PCCA: variants seen among roughly 807,000 people sequenced by gnomAD.
PCCA encodes the protein propionyl-CoA carboxylase alpha chain, mitochondrial.
In PCCA, 74 loss-of-function variants were observed where a neutral mutation model predicts 101.3. The observed-to-expected ratio is 0.73, with a 90% CI of 0.61 to 0.89. The LOEUF (loss-of-function observed/expected upper bound fraction) is 0.89, where lower values mean the gene tolerates loss of function less well. Ranked by LOEUF, PCCA falls within the 40% of genes least tolerant of loss-of-function variation. The pLI is 0.00. For synonymous variants in PCCA, 294 were observed against 313.6 expected (o/e 0.94, Z 0.66); for missense variants, 891 against 907.0 (o/e 0.98, Z 0.23).
At chr13:100,452,615 T>G (rs1320989611) in intron 21 of PCCA, among the ~76,000 whole-genome samples, 2 of 151,868 alleles carry the variant, frequency 1.3e-5, no homozygotes, top group Admixed American at 6.5e-5. Flanking sequence ...GGTCACTCTT[T>G]CCAACATCTT....
At chr13:100,321,816 A>G (rs2068079603) in intron 16 of PCCA, among the ~76,000 whole-genome samples, 1 of 152,084 alleles carries the variant, frequency 6.6e-6, no homozygotes, top group Non-Finnish European at 1.5e-5. Flanking sequence ...GCCTTTATAA[A>G]ATTTAGATAC....
intron 20 of PCCA, 84 bp from the exon 21 acceptor site, chr13:100,449,168 C>A: frequency 1.3e-6 from 1 of 747,344 alleles, no homozygotes; most frequent in South Asian, 1.7e-5. Flanking sequence ...AGTTGATGGA[C>A]ATTTGGGTTT....
At chr13:100,241,210 C>T (rs1490185870) in intron 8 of PCCA, among the ~76,000 whole-genome samples, 1 of 152,116 alleles carries the variant, frequency 6.6e-6, no homozygotes, top group Non-Finnish European at 1.5e-5. Context: ...CTTCATTACT[C>T]CCCAAAGAAA....
At chr13:100,466,072 G>C (rs897472719) in intron 21 of PCCA, 1 of 152,242 alleles carries the variant, frequency 6.6e-6, no homozygotes, top group African/African-American at 2.4e-5. Flanking sequence ...TACCATTTGA[G>C]TAGATGTACT....
intron 12 of PCCA, among the ~76,000 whole-genome samples, chr13:100,290,841 A>C (rs142738534): frequency 3.3e-5 from 5 of 152,316 alleles, no homozygotes; most frequent in Admixed American, 3.3e-4. Flanking sequence ...TCAGGTTGCA[A>C]CAGTGGTTAT....
At chr13:100,486,557 A>G (rs1043701482) in intron 21 of PCCA, among the ~76,000 whole-genome samples, 5 of 152,336 alleles carry the variant, frequency 3.3e-5, no homozygotes, top group African/African-American at 1.2e-4. Flanking sequence ...AATATGAACT[A>G]TATTGTAACA....
At chr13:100,338,257 A>G (rs2070791159) in intron 17 of PCCA, among the ~76,000 whole-genome samples, 1 of 152,160 alleles carries the variant, frequency 6.6e-6, no homozygotes, top group South Asian at 2.1e-4. Flanking sequence ...ATATATATTG[A>G]TATTTACCAC....
chr13:100,235,916 C>T (rs912893233), intron 8 of PCCA, 38 bp downstream of exon 8: 4 of 1,349,006 alleles, frequency 3.0e-6, no homozygotes, highest in East Asian at 2.3e-5. Flanking sequence ...ATTTCTGTGT[C>T]TTTCAGCAGA....
intron 21 of PCCA, among the ~76,000 whole-genome samples, chr13:100,504,636 A>C: frequency 6.6e-6 from 1 of 152,292 alleles, no homozygotes; most frequent in East Asian, 1.9e-4. Context: ...AGGCTTCTTC[A>C]TACAAGAATT....
chr13:100,204,899 T>C (rs2058759186), intron 6 of PCCA, among the ~76,000 whole-genome samples: 1 of 152,166 alleles, frequency 6.6e-6, no homozygotes, highest in African/African-American at 2.4e-5. Flanking sequence ...GCTCAAGAGA[T>C]ACTCCTGGCT....
At chr13:100,112,576 CTTTT>C (rs5806149) in intron 4 of PCCA, among the ~76,000 whole-genome samples, 8 of 124,034 alleles carry the variant, frequency 6.4e-5, no homozygotes, top group Admixed American at 8.6e-5. Context: ...CACAGCAGGC[CTTTT>C]TTTTTTTTTT....
intron 21 of PCCA, among the ~76,000 whole-genome samples, chr13:100,458,068 T>A (rs1310783639): frequency 6.6e-6 from 1 of 152,144 alleles, no homozygotes; most frequent in African/African-American, 2.4e-5. Flanking sequence ...TGCTTATAGA[T>A]TTCAGATTTT....
chr13:100,108,497 T>G (rs1197516205), intron 2 of PCCA, among the ~76,000 whole-genome samples: 1 of 152,210 alleles, frequency 6.6e-6, no homozygotes, highest in Non-Finnish European at 1.5e-5. Flanking sequence ...ACAACTCTCC[T>G]AAGCATACCA....
intron 8 of PCCA, among the ~76,000 whole-genome samples, chr13:100,248,007 A>C (rs1479629374): frequency 1.3e-5 from 2 of 152,170 alleles, no homozygotes; most frequent in African/African-American, 2.4e-5. Context: ...ATTCCTAAAC[A>C]AGCTTATTTT....
chr13:100,261,331 T>C (rs992408499), intron 9 of PCCA, among the ~76,000 whole-genome samples: 3 of 152,064 alleles, frequency 2.0e-5, no homozygotes, highest in Non-Finnish European at 4.4e-5. Flanking sequence ...CAATTACTTT[T>C]AGGCAAGCAA....
intron 14 of PCCA, among the ~76,000 whole-genome samples, chr13:100,303,344 C>T (rs930668308): frequency 1.3e-5 from 2 of 151,966 alleles, no homozygotes; most frequent in African/African-American, 4.8e-5. Flanking sequence ...CGAGTCCAAC[C>T]CTGCTATATA....
At chr13:100,158,370 A>G (rs2054089115) in intron 6 of PCCA, among the ~76,000 whole-genome samples, 1 of 152,190 alleles carries the variant, frequency 6.6e-6, no homozygotes, top group Non-Finnish European at 1.5e-5. Flanking sequence ...TGGAATTTCC[A>G]CTTAAAATCT....
chr13:100,295,827 C>T (rs1352970606), intron 12 of PCCA, among the ~76,000 whole-genome samples: 1 of 152,168 alleles, frequency 6.6e-6, no homozygotes, highest in Admixed American at 6.5e-5. Context: ...TCATAATGGC[C>T]AAGTTAACAC....
At chr13:100,126,728 A>G (rs1008861114) in intron 4 of PCCA, among the ~76,000 whole-genome samples, 1 of 152,236 alleles carries the variant, frequency 6.6e-6, no homozygotes, top group African/African-American at 2.4e-5. Flanking sequence ...AATGCAGCAT[A>G]AATCCATGAG....
Sources: allele counts gnomAD v4.1 joint callset (sites outside exome capture counted in the v4.1 genomes callset), GRCh38; gene constraint gnomAD v4.1.1; transcripts MANE v1.5; gene names NCBI Gene and HGNC (gene_info 2026-07-23, HGNC 2026-07-21).